PCDHAC1: variants seen among roughly 807,000 people sequenced by gnomAD.
PCDHAC1 encodes protocadherin alpha subfamily C, 1.
Under a neutral mutation model 60.0 loss-of-function variants are expected in PCDHAC1, and 42 were observed. The observed-to-expected ratio is 0.70, with a 90% CI of 0.55 to 0.90. The LOEUF (loss-of-function observed/expected upper bound fraction) is 0.90. Ranked by LOEUF, PCDHAC1 falls within the 40% of genes least tolerant of loss-of-function variation. The pLI, the probability that PCDHAC1 is intolerant of heterozygous loss-of-function variation, is 0.00. For synonymous variants in PCDHAC1, 468 were observed against 499.3 expected (o/e 0.94, Z 0.84); for missense variants, 1,160 against 1,222.3 (o/e 0.95, Z 0.76).
chr5:140,989,235 T>G (rs1408596966), intron 3 of PCDHAC1, among the ~76,000 whole-genome samples: 1 of 152,204 alleles, frequency 6.6e-6, no homozygotes, highest in Non-Finnish European at 1.5e-5. Context: ...AGCTGAAGTT[T>G]TAAGCCCCTT....
rs2083733718 is a variant in PCDHAC1 at position 140,926,990 on chromosome 5, G to T, written c.98G>T (p.Gly33Val). 6.2e-7 allele frequency: 1 copy of T among 1,611,558 alleles called. No individual in the cohort carries two copies. The highest frequency in any genetic ancestry group is 1.7e-5 in the Admixed American group (1 of 59,870). ...TCAGTGCCGGAGGAGACGGAGCGGGGCGTAGCCGTAGGCAATCTCTCCGCG... is the reference window on the plus strand; with the variant it reads ...TCAGTGCCGGAGGAGACGGAGCGGGTCGTAGCCGTAGGCAATCTCTCCGCG... ...EYSVPEETER[G>V]VAVGNLSADL... Residue 33 changes from glycine to valine, a missense_variant, in exon 1 of 4, where the codon GGC becomes GTC. This residue lies in a region of PCDHAC1 where 4 missense variants were observed against 18.2 expected (regional missense o/e 0.22). Transcript: ENST00000253807.
intron 1 of PCDHAC1, among the ~76,000 whole-genome samples, chr5:140,954,779 G>T (rs2095086497): frequency 6.6e-6 from 1 of 152,108 alleles, no homozygotes; most frequent in Non-Finnish European, 1.5e-5. Flanking sequence ...AATTTAATTA[G>T]ATCTCATTTG....
intron 3 of PCDHAC1, among the ~76,000 whole-genome samples, chr5:140,997,397 A>G (rs782082443): frequency 4.6e-5 from 7 of 152,194 alleles, no homozygotes; most frequent in African/African-American, 7.2e-5. Flanking sequence ...CTTAGGCTCT[A>G]TCGTATGGCC....
chr5:140,991,317 T>C (rs2097444971), intron 3 of PCDHAC1, among the ~76,000 whole-genome samples: 1 of 152,208 alleles, frequency 6.6e-6, no homozygotes, highest in Admixed American at 6.5e-5. Flanking sequence ...TCCCGCATGA[T>C]ACATGAAGGG....
chr5:140,941,809 TAG>T (rs1477400878), intron 1 of PCDHAC1, among the ~76,000 whole-genome samples: 5 of 152,254 alleles, frequency 3.3e-5, no homozygotes, highest in Non-Finnish European at 5.9e-5. Context: ...TTGATTTCAG[TAG>T]GATGACTGCT....
rs782232084 is a variant in PCDHAC1, at chr5:140,927,008, TCTCCGCGGACTTGAGGCTGCCAG to T, written c.118_140del (p.Ser40GlyfsTer72). 6.2e-7 allele frequency: 1 copy of T among 1,612,514 alleles called. No homozygotes were observed. The highest frequency in any genetic ancestry group is 1.1e-5 in the South Asian group (1 of 90,896). On this transcript the variant is annotated frameshift_variant, in exon 1 of 4. Coordinates refer to ENST00000253807, the MANE Select transcript of PCDHAC1 (RefSeq NM_018898.5). LOFTEE classifies it high-confidence loss of function. ...GAGCGGGGCGTAGCCGTAGGCAATC[TCTCCGCGGACTTGAGGCTGCCAG>T]CGGCCGCTATGTCCTCGCGGAACTT...
Position 140,963,207 on chromosome 5 carries a change from C to A in PCDHAC1, c.2434-15742C>A, listed in dbSNP as rs180756619. Among the ~76,000 whole-genome samples, 890 of 148,428 alleles carry A rather than the reference C, an allele frequency of 6.0e-3. 8 individuals are homozygous for A. Among genetic ancestry groups the A allele is most frequent in the African/African-American group, 0.021 (788 of 38,366 alleles). On this transcript the variant is annotated intron_variant, in intron 1 of 3. Transcript: ENST00000253807. Reference sequence around the variant, plus strand: ...TAGACTGTGAAAATGAAAAAAAAAACCTCGTGTTTAGAGTAGACACTGTTT... The same window carrying A: ...TAGACTGTGAAAATGAAAAAAAAAAACTCGTGTTTAGAGTAGACACTGTTT...
intron 3 of PCDHAC1, 60 bp from the exon 4 acceptor site, chr5:141,009,567 A>T: frequency 6.3e-7 from 1 of 1,575,430 alleles, no homozygotes; most frequent in Admixed American, 1.8e-5. Flanking sequence ...CTCTACCAGC[A>T]GTGTGGCATC....
In PCDHAC1 at chr5:140,968,959, C is replaced by T. The variant is rs782079520; in HGVS notation, c.2434-9990C>T. ...TCATCATTTTGAGCATCATCAAGTG[C>T]TACCGCTACACTGCGTATGGCACTG... On this transcript the variant is annotated intron_variant, in intron 1 of 3. Transcript: ENST00000253807. The T allele has an allele frequency of 1.5e-5, 25 of 1,614,182 alleles. 1 individual carries two copies. In the Middle Eastern group the frequency reaches 1.8e-3, roughly 117 times the overall value.
chr5:140,941,202 C>CTTTCTCTCTTT (rs1554213921), intron 1 of PCDHAC1, among the ~76,000 whole-genome samples: 1 of 122,742 alleles, frequency 8.1e-6, no homozygotes, highest in African/African-American at 3.0e-5. Flanking sequence ...TTTCTTTCTT[C>CTTTCTCTCTTT]CTTTCTTTCT....
At chr5:140,943,630 T>C (rs1224015760) in intron 1 of PCDHAC1, among the ~76,000 whole-genome samples, 1 of 152,130 alleles carries the variant, frequency 6.6e-6, no homozygotes, top group Non-Finnish European at 1.5e-5. Flanking sequence ...ATAAGGAAGC[T>C]GGATTATGGA....
chr5:140,966,740 C>T lies in PCDHAC1; in HGVS notation c.2434-12209C>T, dbSNP rs782420339. 10 of 1,422,580 alleles carry T rather than the reference C, an allele frequency of 7.0e-6. No individual in the cohort carries two copies. In the Admixed American group the frequency reaches 8.4e-5, roughly 12 times the overall value. 88.1% of individuals were successfully genotyped at this position (1,422,580 alleles called of 1,614,324 possible). ...GGAAGCTGCCGCCTCCGGCCCTGCC[C>T]GGCTGCCTCCGCCGCGGCCAGTGGC... On this transcript the variant is annotated intron_variant, in intron 1 of 3. Transcript: ENST00000253807.
At chr5:140,980,397 C>T (rs888776890) in intron 2 of PCDHAC1, among the ~76,000 whole-genome samples, 3 of 152,100 alleles carry the variant, frequency 2.0e-5, no homozygotes, top group South Asian at 2.1e-4. Context: ...TTTGGGAGGC[C>T]GAGGTGGGCA....
chr5:140,928,540 G>T lies in PCDHAC1; in HGVS notation c.1648G>T (p.Asp550Tyr), dbSNP rs1554205973. 4 of 1,614,094 alleles carry T rather than the reference G, an allele frequency of 2.5e-6. No homozygotes were observed. In the Admixed American group the frequency reaches 5.0e-5, roughly 20 times the overall value. Residue 550 changes from aspartate to tyrosine, a missense_variant, in exon 1 of 4, where the codon GAC becomes TAC. Coordinates refer to ENST00000253807, the MANE Select transcript of PCDHAC1 (RefSeq NM_018898.5). Reference protein sequence around the residue: ...TINLFVVDRNDNYPVILFPLP... With the variant: ...TINLFVVDRNYNYPVILFPLP... The stretch of plus-strand genomic sequence containing the variant: ...AAACTTGTTTGTGGTAGATAGGAAT[G>T]ACAATTATCCGGTTATCTTGTTTCC...
At chr5:140,998,094 GCAAA>G (rs1182835904) in intron 3 of PCDHAC1, among the ~76,000 whole-genome samples, 7 of 152,226 alleles carry the variant, frequency 4.6e-5, no homozygotes, top group African/African-American at 1.4e-4. Flanking sequence ...AAATGCTAGA[GCAAA>G]CAGAGGAGAA....
rs782761686 is a variant in PCDHAC1 at position 140,927,430 on chromosome 5, A to C, written c.538A>C (p.Ser180Arg). Residue 180 changes from serine to arginine, a missense_variant, in exon 1 of 4, where the codon AGC becomes CGC. By Grantham distance (110) the Ser-to-Arg change is moderately radical. Transcript: ENST00000253807. ...GGACATGGGATCGCGGGTTGACGGC[A>C]GCGAATACCCGGAGTTGGTGTTGGA... is the stretch of plus-strand genomic sequence containing the variant. ...RLDMGSRVDG[S>R]EYPELVLEKA... is the part of the protein sequence containing the mutation. The C allele has an allele frequency of 2.5e-6, 4 of 1,614,152 alleles. No homozygotes were observed. The highest frequency in any genetic ancestry group is 3.4e-6 in the Non-Finnish European group (4 of 1,179,988).
intron 1 of PCDHAC1, among the ~76,000 whole-genome samples, chr5:140,975,280 T>C (rs914764307): frequency 6.6e-6 from 1 of 152,252 alleles, no homozygotes; most frequent in Non-Finnish European, 1.5e-5. Flanking sequence ...CTCTGACCTC[T>C]AGACCCAGAT....
At chr5:140,970,366 A>G (rs1438755786) in intron 1 of PCDHAC1, among the ~76,000 whole-genome samples, 2 of 152,196 alleles carry the variant, frequency 1.3e-5, no homozygotes, top group Admixed American at 1.3e-4. Context: ...TTGATTTGCT[A>G]TAGCTTCAAA....
At chr5:140,956,009 CTT>C (rs2095247878) in intron 1 of PCDHAC1, among the ~76,000 whole-genome samples, 1 of 152,192 alleles carries the variant, frequency 6.6e-6, no homozygotes, top group Non-Finnish European at 1.5e-5. Flanking sequence ...TATCCTGAGA[CTT>C]TGCTGAAGTT....
Sources: gnomAD v4.1 joint callset for allele counts (sites outside exome capture counted in the v4.1 genomes callset) on GRCh38, gnomAD v4.1.1 for gene constraint, gnomAD v4.1.1 regional missense constraint, MANE v1.5 for transcripts, NCBI Gene and HGNC (gene_info 2026-07-23, HGNC 2026-07-21) for gene names.